The following CGGBP1 variants were observed in gnomAD, a reference collection of about 807,000 sequenced individuals.
The protein encoded by CGGBP1 is CGG triplet repeat-binding protein 1.
CGGBP1 carries 4 observed loss-of-function variants against 11.4 expected under a neutral mutation model. The observed-to-expected ratio is 0.35, with a 90% CI of 0.17 to 0.80. The LOEUF (loss-of-function observed/expected upper bound fraction) is 0.80. Ranked by LOEUF, CGGBP1 falls within the 30% of genes least tolerant of loss-of-function variation. The pLI is 0.52. For missense variants in CGGBP1, 135 were observed against 202.1 expected (o/e 0.67, Z 2.01); for synonymous variants, 76 against 74.1 (o/e 1.03, Z -0.13).
At chr3:88,133,761 A>T (rs1204891651) in intron 2 of CGGBP1, among the ~76,000 whole-genome samples, 4 of 152,160 alleles carry the variant, frequency 2.6e-5, no homozygotes, top group Non-Finnish European at 5.9e-5. Context: ...AAAACAGATC[A>T]GGTTAGAAAC....
chr3:88,113,356 T>C (rs764649711), intron 2 of CGGBP1, among the ~76,000 whole-genome samples: 2 of 152,142 alleles, frequency 1.3e-5, no homozygotes, highest in Non-Finnish European at 2.9e-5. Flanking sequence ...TAAAGAAAAT[T>C]CATACAATTA....
chr3:88,131,177 A>T (rs936778008), intron 2 of CGGBP1, among the ~76,000 whole-genome samples: 1 of 152,206 alleles, frequency 6.6e-6, no homozygotes, highest in African/African-American at 2.4e-5. Context: ...GCTGTAGGCA[A>T]TTATAACACA....
intron 2 of CGGBP1, chr3:88,095,641 C>T: frequency 2.0e-6 from 1 of 504,596 alleles, no homozygotes; most frequent in Non-Finnish European, 4.0e-6. Context: ...AAGCCCCAAG[C>T]AATATCATCA....
chr3:88,067,084 A>C (rs1224605184), intron 2 of CGGBP1, among the ~76,000 whole-genome samples: 1 of 152,226 alleles, frequency 6.6e-6, no homozygotes, highest in Non-Finnish European at 1.5e-5. Context: ...GACTCCATCT[A>C]AACAGTAAAA....
chr3:88,083,299 T>C (rs761086086), intron 2 of CGGBP1, among the ~76,000 whole-genome samples: 1 of 152,248 alleles, frequency 6.6e-6, no homozygotes, highest in Non-Finnish European at 1.5e-5. Context: ...CTTAATAGTT[T>C]TATGTTGTTT....
upstream of CGGBP1, among the ~76,000 whole-genome samples, chr3:88,062,600 A>T (rs1706947793): frequency 6.6e-6 from 1 of 152,186 alleles, no homozygotes; most frequent in Non-Finnish European, 1.5e-5. Flanking sequence ...AATACACTGA[A>T]TTTTTTGTCA....
chr3:88,095,677 AC>A, intron 2 of CGGBP1: 3 of 436,632 alleles, frequency 6.9e-6, no homozygotes, highest in South Asian at 5.3e-5. Flanking sequence ...TGGACTTGAT[AC>A]TGTCAGCACA....
At chr3:88,136,128 C>T (rs1369439919) in intron 2 of CGGBP1, among the ~76,000 whole-genome samples, 4 of 152,024 alleles carry the variant, frequency 2.6e-5, no homozygotes, top group African/African-American at 7.2e-5. Flanking sequence ...TTACAGAACA[C>T]GTCTTAACAT....
At chr3:88,096,696 TTTC>T (rs1380552207) in intron 2 of CGGBP1, among the ~76,000 whole-genome samples, 1 of 152,144 alleles carries the variant, frequency 6.6e-6, no homozygotes, top group Non-Finnish European at 1.5e-5. Flanking sequence ...GCTTTTAAGA[TTTC>T]ATCTTTATCA....
At chr3:88,097,112 A>G (rs1414936702) in intron 2 of CGGBP1, among the ~76,000 whole-genome samples, 3 of 152,138 alleles carry the variant, frequency 2.0e-5, no homozygotes, top group African/African-American at 4.8e-5. Context: ...GCTGTTATCA[A>G]CAACCCTTTA....
chr3:88,056,636 G>A (rs188735724), intron 3 of CGGBP1: 37 of 152,116 alleles, frequency 2.4e-4, no homozygotes, highest in African/African-American at 6.5e-4. Context: ...GTATACCTCC[G>A]TTTTCCAAAA....
At chr3:88,145,066 A>C (rs1707285099) in intron 1 of CGGBP1, among the ~76,000 whole-genome samples, 1 of 55,516 alleles carries the variant, frequency 1.8e-5, no homozygotes, top group South Asian at 1.3e-3. Context: ...GGTGGAACTT[A>C]AAAAAACAAA....
intron 2 of CGGBP1, among the ~76,000 whole-genome samples, chr3:88,109,686 A>G (rs569692087): frequency 4.7e-4 from 71 of 152,308 alleles, no homozygotes; most frequent in South Asian, 2.1e-4. Flanking sequence ...GGAACTGTAA[A>G]TCATTTTGTT....
At chr3:88,122,243 G>C (rs574755758) in intron 2 of CGGBP1, among the ~76,000 whole-genome samples, 1 of 152,294 alleles carries the variant, frequency 6.6e-6, no homozygotes, top group South Asian at 2.1e-4. Flanking sequence ...AAGACAAGGT[G>C]AATTTTGGGA....
intron 2 of CGGBP1, among the ~76,000 whole-genome samples, chr3:88,101,553 C>T (rs1177651381): frequency 1.3e-5 from 2 of 152,038 alleles, no homozygotes; most frequent in African/African-American, 4.8e-5. Context: ...TCATAGATTT[C>T]AGTATATGGA....
upstream of CGGBP1, chr3:88,059,597 C>G: frequency 1.4e-6 from 2 of 1,415,958 alleles, no homozygotes; most frequent in East Asian, 2.7e-5. Flanking sequence ...TGGTCTATGT[C>G]CAGTGCCCGC....
rs1424492851 is a variant in CGGBP1, at chr3:88,094,964, T to C, written c.-228-36741A>G. On this transcript the variant is annotated intron_variant, in intron 2 of 3. Transcript: ENST00000462901. ...CACTGCTTCTTACAAAGAAAACTTA[T>C]GAGAAATTATCCCAGGATTAAGGCA... 2.6e-5 allele frequency among the ~76,000 whole-genome samples: 4 copies of C among 152,264 alleles called. No homozygotes were observed. The East Asian group carries it at 5.8e-4, about 22-fold the overall frequency.
At chr3:88,121,040 G>A (rs1040701733) in intron 2 of CGGBP1, among the ~76,000 whole-genome samples, 41 of 151,942 alleles carry the variant, frequency 2.7e-4, no homozygotes, top group Admixed American at 6.6e-4. Context: ...ACCATGGTAC[G>A]TGTATACCTA....
chr3:88,102,199 A>C (rs1357269802), intron 2 of CGGBP1, among the ~76,000 whole-genome samples: 1 of 152,034 alleles, frequency 6.6e-6, no homozygotes, highest in Non-Finnish European at 1.5e-5. Context: ...CTTGATTTTA[A>C]GCTTCTTGGA....
Sources: gnomAD v4.1 joint callset for allele counts (sites outside exome capture counted in the v4.1 genomes callset) on GRCh38, gnomAD v4.1.1 for gene constraint, MANE v1.5 for transcripts, NCBI Gene and HGNC (gene_info 2026-07-23, HGNC 2026-07-21) for gene names.